DENND5B: variants seen among roughly 807,000 people sequenced by gnomAD.
The protein encoded by DENND5B is DENN domain-containing protein 5B.
Under a neutral mutation model 140.6 loss-of-function variants are expected in DENND5B, and 34 were observed. The observed-to-expected ratio is 0.24, with a 90% CI of 0.18 to 0.32. The LOEUF is 0.32. Ranked by LOEUF, DENND5B falls within the 10% of genes least tolerant of loss-of-function variation. The probability of loss-of-function intolerance (pLI) is 1.00; values close to 1 mark genes in which losing one functional copy is unlikely to be tolerated. For synonymous variants in DENND5B, 551 were observed against 562.1 expected, an observed-to-expected ratio of 0.98 and a Z score of 0.28; for missense variants, 1,142 against 1,560.2, an observed-to-expected ratio of 0.73 and a Z score of 4.52.
intron 1 of DENND5B, among the ~76,000 whole-genome samples, chr12:31,561,382 G>T (rs1186817579): frequency 6.6e-6 from 1 of 152,142 alleles, no homozygotes; most frequent in Non-Finnish European, 1.5e-5. Context: ...CCAGCTACTT[G>T]AGAGGCTGAG....
At chr12:31,582,615 C>A (rs545157846) in intron 1 of DENND5B, among the ~76,000 whole-genome samples, 3 of 152,206 alleles carry the variant, frequency 2.0e-5, no homozygotes, top group African/African-American at 4.8e-5. Flanking sequence ...AATATATAAT[C>A]TTCTAAATCT....
chr12:31,531,055 G>A (rs972385575), intron 1 of DENND5B, among the ~76,000 whole-genome samples: 4 of 152,180 alleles, frequency 2.6e-5, no homozygotes, highest in African/African-American at 4.8e-5. Context: ...TCAAAGAAAT[G>A]CATGCTTTCC....
intron 3 of DENND5B, chr12:31,477,990 C>T (rs190320376): frequency 3.3e-5 from 7 of 210,954 alleles, no homozygotes; most frequent in Admixed American, 2.9e-4. Flanking sequence ...ACTCCTAATG[C>T]CCAAGGAGCT....
chr12:31,493,719 T>G (rs1460485789), intron 2 of DENND5B, among the ~76,000 whole-genome samples: 1 of 151,890 alleles, frequency 6.6e-6, no homozygotes, highest in Non-Finnish European at 1.5e-5. Flanking sequence ...TAATCTCAGC[T>G]ACTCGGGAGG....
chr12:31,514,232 T>C (rs1441255337), intron 1 of DENND5B, among the ~76,000 whole-genome samples: 1 of 152,220 alleles, frequency 6.6e-6, no homozygotes, highest in Non-Finnish European at 1.5e-5. Flanking sequence ...TGTTTAAATC[T>C]TTTATAACAA....
intron 1 of DENND5B, among the ~76,000 whole-genome samples, chr12:31,578,703 C>T (rs1950107275): frequency 1.3e-5 from 2 of 152,140 alleles, no homozygotes; most frequent in Admixed American, 6.5e-5. Context: ...TGACCTAGCT[C>T]ATGAACAGTA....
intron 1 of DENND5B, among the ~76,000 whole-genome samples, chr12:31,567,001 G>C (rs1261780622): frequency 6.6e-6 from 1 of 152,158 alleles, no homozygotes; most frequent in Non-Finnish European, 1.5e-5. Context: ...ATTCAAACTG[G>C]TAAGCTATAC....
intron 1 of DENND5B, among the ~76,000 whole-genome samples, chr12:31,513,394 A>G (rs1238146423): frequency 6.6e-6 from 1 of 152,222 alleles, no homozygotes; most frequent in Non-Finnish European, 1.5e-5. Context: ...ATAGAGAGTT[A>G]TACTTCACCT....
intron 20 of DENND5B, 77 bp downstream of exon 20, chr12:31,389,247 A>C: frequency 1.5e-6 from 2 of 1,353,176 alleles, no homozygotes; most frequent in Non-Finnish European, 2.0e-6. Flanking sequence ...TGGAAGGGGT[A>C]TGATCTGGTA....
chr12:31,533,432 G>C (rs1211078812), intron 1 of DENND5B, among the ~76,000 whole-genome samples: 1 of 152,006 alleles, frequency 6.6e-6, no homozygotes, highest in East Asian at 1.9e-4. Context: ...TATGCTTTTT[G>C]TCACTATCCA....
Position 31,480,158 on chromosome 12 carries a change from G to A in DENND5B, c.335C>T (p.Thr112Ile), listed in dbSNP as rs377601066. 46 of 1,606,964 alleles carry A rather than the reference G, an allele frequency of 2.9e-5. No homozygotes were observed. The highest frequency in any genetic ancestry group is 3.2e-5 in the Non-Finnish European group (38 of 1,176,498). Residue 112 changes from threonine (T) to isoleucine (I), a missense_variant, in exon 3 of 21, where the codon ACC becomes ATC. Transcript: ENST00000389082. Reference sequence around the variant, plus strand: ...ATAAAAAGTGAGAACAAAACCATAGGTGCGAGAACCATCTTCCCTGGTAAT... The same window carrying A: ...ATAAAAAGTGAGAACAAAACCATAGATGCGAGAACCATCTTCCCTGGTAAT... The part of the protein sequence containing the change: ...FIITREDGSR[T>I]YGFVLTFYEE...
chr12:31,434,130 T>C (rs561495963), intron 7 of DENND5B, among the ~76,000 whole-genome samples: 27 of 152,318 alleles, frequency 1.8e-4, no homozygotes, highest in Non-Finnish European at 2.9e-4. Flanking sequence ...CTTGTGTTTA[T>C]CAGTTTTAGA....
intron 1 of DENND5B, among the ~76,000 whole-genome samples, chr12:31,538,136 C>T (rs893526192): frequency 1.3e-5 from 2 of 152,122 alleles, no homozygotes; most frequent in East Asian, 1.9e-4. Context: ...TTAATCTGTA[C>T]CAAATGGACC....
At chr12:31,590,563 G>T in intron 1 of DENND5B, 143 bp downstream of exon 1, 2 of 1,037,694 alleles carry the variant, frequency 1.9e-6, no homozygotes, top group Non-Finnish European at 1.3e-6. Context: ...AATCGCGCCC[G>T]AGCGCCAGTT....
chr12:31,568,939 A>G (rs1180857396), intron 1 of DENND5B, among the ~76,000 whole-genome samples: 1 of 151,934 alleles, frequency 6.6e-6, no homozygotes, highest in African/African-American at 2.4e-5. Context: ...TTTTTGAGAC[A>G]AGGGTCTGGT....
chr12:31,467,421 C>A (rs1488963118), intron 3 of DENND5B, among the ~76,000 whole-genome samples: 1 of 151,722 alleles, frequency 6.6e-6, no homozygotes, highest in Non-Finnish European at 1.5e-5. Context: ...CCCAGGACTT[C>A]ACGACCAGCC....
chr12:31,441,985 A>G (rs1039456619), intron 7 of DENND5B, among the ~76,000 whole-genome samples: 2 of 152,196 alleles, frequency 1.3e-5, no homozygotes, highest in African/African-American at 4.8e-5. Context: ...GCCTGGCCAC[A>G]ATTCTTTCAC....
intron 5 of DENND5B, among the ~76,000 whole-genome samples, chr12:31,450,055 G>A (rs1029499885): frequency 3.3e-5 from 5 of 152,094 alleles, no homozygotes; most frequent in Admixed American, 2.6e-4. Context: ...AAGCTAGATA[G>A]GAAAAAGTAT....
chr12:31,544,922 G>A (rs1948807502), intron 1 of DENND5B, among the ~76,000 whole-genome samples: 1 of 151,848 alleles, frequency 6.6e-6, no homozygotes. Context: ...TAACCACCAA[G>A]AAATAGACAA....
Sources: allele counts gnomAD v4.1 joint callset (sites outside exome capture counted in the v4.1 genomes callset), GRCh38; gene constraint gnomAD v4.1.1; transcripts MANE v1.5; gene names NCBI Gene and HGNC (gene_info 2026-07-23, HGNC 2026-07-21).